The following RBFOX1 variants were observed in gnomAD, a reference collection of about 807,000 sequenced individuals.
RBFOX1 encodes the protein RNA binding protein fox-1 homolog 1.
A neutral mutation model predicts 57.7 loss-of-function variants in RBFOX1; 8 were observed. The observed-to-expected ratio is 0.14, with a 90% CI of 0.08 to 0.25. The LOEUF is 0.25. RBFOX1 is among the 10% of genes least tolerant of loss of function. The pLI, the probability that RBFOX1 is intolerant of heterozygous loss-of-function variation, is 1.00. For synonymous variants in RBFOX1, 326 were observed against 222.4 expected (o/e 1.47, Z -4.15); for missense variants, 611 against 548.5 (o/e 1.11, Z -1.14).
chr16:6,413,444 G>A (rs1454552277), intron 2 of RBFOX1, among the ~76,000 whole-genome samples: 1 of 152,136 alleles, frequency 6.6e-6, no homozygotes, highest in Non-Finnish European at 1.5e-5. Context: ...GGTTACAGGT[G>A]TGAGCCACTG....
chr16:7,196,869 A>G (rs902779294), intron 4 of RBFOX1, among the ~76,000 whole-genome samples: 8 of 152,314 alleles, frequency 5.3e-5, no homozygotes, highest in Non-Finnish European at 8.8e-5. Context: ...AGGAAATGGA[A>G]TTCTGAGCCA....
At chr16:5,667,715 C>T (rs1317957475) in intron 3 of RBFOX1, among the ~76,000 whole-genome samples, 2 of 152,158 alleles carry the variant, frequency 1.3e-5, no homozygotes, top group African/African-American at 2.4e-5. Flanking sequence ...GCAGGTGAAA[C>T]TATTAGAATT....
At chr16:6,770,514 C>G (rs553540318) in intron 3 of RBFOX1, among the ~76,000 whole-genome samples, 1 of 152,108 alleles carries the variant, frequency 6.6e-6, no homozygotes, top group East Asian at 1.9e-4. Flanking sequence ...CCCTGCAAGT[C>G]GAAAATATTT....
intron 4 of RBFOX1, among the ~76,000 whole-genome samples, chr16:7,360,559 C>T (rs2097301435): frequency 6.6e-6 from 1 of 152,174 alleles, no homozygotes; most frequent in African/African-American, 2.4e-5. Flanking sequence ...GAGGACCAAG[C>T]CTGTGCCTAG....
At chr16:5,554,196 C>G (rs2045581090) in intron 2 of RBFOX1, among the ~76,000 whole-genome samples, 1 of 152,002 alleles carries the variant, frequency 6.6e-6, no homozygotes, top group African/African-American at 2.4e-5. Context: ...GTCTAGAACT[C>G]CTGACCTCAA....
intron 2 of RBFOX1, among the ~76,000 whole-genome samples, chr16:6,501,077 T>C (rs1165122937): frequency 6.6e-5 from 10 of 151,298 alleles, no homozygotes; most frequent in Admixed American, 6.6e-4. Flanking sequence ...CTATCCTGCT[T>C]GATGAGTTCA....
chr16:7,275,304 G>T (rs147239406), intron 4 of RBFOX1, among the ~76,000 whole-genome samples: 34 of 152,244 alleles, frequency 2.2e-4, no homozygotes, highest in African/African-American at 7.5e-4. Context: ...ATTTCTAATC[G>T]TTATATAATA....
chr16:6,615,955 G>A (rs938108648), intron 2 of RBFOX1, among the ~76,000 whole-genome samples: 7 of 152,094 alleles, frequency 4.6e-5, no homozygotes, highest in Non-Finnish European at 1.0e-4. Flanking sequence ...CAGTGGTACC[G>A]GTCCCTTGAC....
intron 2 of RBFOX1, among the ~76,000 whole-genome samples, chr16:6,621,660 C>A (rs1418964675): frequency 6.6e-6 from 1 of 152,194 alleles, no homozygotes; most frequent in Non-Finnish European, 1.5e-5. Flanking sequence ...ACACATATTA[C>A]TGTATCAACC....
intron 4 of RBFOX1, among the ~76,000 whole-genome samples, chr16:7,144,737 A>G (rs917444925): frequency 6.6e-6 from 1 of 151,960 alleles, no homozygotes; most frequent in Non-Finnish European, 1.5e-5. Context: ...CCACCTACAT[A>G]TGAGAAAATA....
chr16:6,910,500 T>G (rs1200382298), intron 3 of RBFOX1, among the ~76,000 whole-genome samples: 5 of 152,170 alleles, frequency 3.3e-5, no homozygotes, highest in Non-Finnish European at 7.4e-5. Flanking sequence ...TGTTAATCAC[T>G]CAAACAACCT....
chr16:5,819,622 A>T (rs1216775864), intron 3 of RBFOX1, among the ~76,000 whole-genome samples: 3 of 152,176 alleles, frequency 2.0e-5, no homozygotes, highest in Non-Finnish European at 4.4e-5. Context: ...CGTTGTACTG[A>T]CGCTGGACTA....
At chr16:6,625,520 C>G (rs186410722) in intron 2 of RBFOX1, among the ~76,000 whole-genome samples, 1 of 152,206 alleles carries the variant, frequency 6.6e-6, no homozygotes, top group South Asian at 2.1e-4. Context: ...TCACTCAGTT[C>G]GTTAAAACTT....
chr16:5,381,625 C>A (rs1282636814), intron 1 of RBFOX1, among the ~76,000 whole-genome samples: 1 of 152,162 alleles, frequency 6.6e-6, no homozygotes, highest in Non-Finnish European at 1.5e-5. Flanking sequence ...GCTAACTCCC[C>A]CATAGGGTTG....
intron 3 of RBFOX1, among the ~76,000 whole-genome samples, chr16:5,679,797 C>G (rs1264375220): frequency 6.6e-6 from 1 of 152,180 alleles, no homozygotes; most frequent in Non-Finnish European, 1.5e-5. Flanking sequence ...ATTGCATAAG[C>G]TCCTTCTCTC....
intron 1 of RBFOX1, among the ~76,000 whole-genome samples, chr16:5,244,063 A>G (rs1371997067): frequency 2.6e-5 from 4 of 151,846 alleles, no homozygotes; most frequent in South Asian, 2.1e-4. Context: ...CAGCCGGCTA[A>G]TTTTTGTATT....
chr16:6,980,307 C>T (rs1049372200), intron 3 of RBFOX1, among the ~76,000 whole-genome samples: 8 of 152,270 alleles, frequency 5.3e-5, no homozygotes, highest in Admixed American at 4.6e-4. Context: ...ATAGTTCTTC[C>T]GTTAAATATT....
intron 2 of RBFOX1, among the ~76,000 whole-genome samples, chr16:6,543,731 A>G (rs960660945): frequency 2.6e-5 from 4 of 152,134 alleles, no homozygotes; most frequent in Non-Finnish European, 4.4e-5. Flanking sequence ...GTTCACACCG[A>G]AGCATCTTAG....
intron 4 of RBFOX1, among the ~76,000 whole-genome samples, chr16:7,189,614 C>T (rs964828401): frequency 6.8e-5 from 10 of 147,678 alleles, no homozygotes; most frequent in African/African-American, 2.0e-4. Context: ...AGCACATAAG[C>T]CACTCTATGC....
Sources: allele counts gnomAD v4.1 joint callset (sites outside exome capture counted in the v4.1 genomes callset), GRCh38; gene constraint gnomAD v4.1.1; transcripts MANE v1.5; gene names NCBI Gene and HGNC (gene_info 2026-07-23, HGNC 2026-07-21).